RGS7: variants seen among roughly 807,000 people sequenced by gnomAD.
The protein encoded by RGS7 is regulator of G protein signaling 7.
In RGS7, 27 loss-of-function variants were observed where a neutral mutation model predicts 81.1. The observed-to-expected ratio is 0.33, with a 90% confidence interval of 0.25 to 0.46. RGS7 has a LOEUF of 0.46. RGS7 is among the 20% of genes least tolerant of loss of function. The pLI is 1.00. For synonymous variants in RGS7, 208 were observed against 207.7 expected, an observed-to-expected ratio of 1.00 and a Z score of -0.01; for missense variants, 396 against 607.4, an observed-to-expected ratio of 0.65 and a Z score of 3.66.
At chr1:241,245,729 T>C (rs2686221) in intron 2 of RGS7, among the ~76,000 whole-genome samples, 103,471 of 151,274 alleles carry the variant, frequency 0.68, 35,427 homozygotes, top group African/African-American at 0.73. Context: ...ATTACTTGAA[T>C]CTGGGAGGCA....
chr1:241,109,963 A>T (rs181480109), intron 2 of RGS7, among the ~76,000 whole-genome samples: 46 of 152,182 alleles, frequency 3.0e-4, no homozygotes, highest in African/African-American at 1.1e-3. Context: ...CATCTCAAAA[A>T]AATAATAATA....
intron 3 of RGS7, among the ~76,000 whole-genome samples, chr1:241,047,271 T>A (rs562026001): frequency 6.6e-6 from 1 of 152,284 alleles, no homozygotes; most frequent in Admixed American, 6.5e-5. Context: ...CCCATGGTGA[T>A]TTTAGCTTCA....
chr1:241,095,214 C>T (rs887576008), intron 3 of RGS7, among the ~76,000 whole-genome samples: 1 of 152,068 alleles, frequency 6.6e-6, no homozygotes, highest in Non-Finnish European at 1.5e-5. Context: ...CATTTTAAGG[C>T]AATATGTCTT....
intron 2 of RGS7, among the ~76,000 whole-genome samples, chr1:241,153,075 C>T (rs950630026): frequency 1.3e-5 from 2 of 152,328 alleles, no homozygotes; most frequent in Middle Eastern, 3.4e-3. Flanking sequence ...ACAAATAATA[C>T]ATTTCCCATA....
intron 3 of RGS7, among the ~76,000 whole-genome samples, chr1:241,092,872 CAATT>C (rs2063983444): frequency 7.0e-6 from 1 of 143,614 alleles, no homozygotes; most frequent in Non-Finnish European, 1.5e-5. Flanking sequence ...AAAAAAAAAA[CAATT>C]AGAAGACAAA....
At chr1:240,847,782 G>A (rs145473553) in intron 9 of RGS7, among the ~76,000 whole-genome samples, 42 of 152,138 alleles carry the variant, frequency 2.8e-4, no homozygotes, top group African/African-American at 8.7e-4. Flanking sequence ...CCTAGTACAC[G>A]CCAATTTCAC....
At chr1:241,100,268 G>A (rs934184953) in intron 2 of RGS7, among the ~76,000 whole-genome samples, 2 of 151,706 alleles carry the variant, frequency 1.3e-5, no homozygotes, top group Non-Finnish European at 2.9e-5. Flanking sequence ...CCAGGTACTC[G>A]GGAGGCTGAG....
intron 9 of RGS7, among the ~76,000 whole-genome samples, chr1:240,834,440 A>G (rs766631181): frequency 2.6e-5 from 4 of 152,188 alleles, no homozygotes; most frequent in Non-Finnish European, 5.9e-5. Context: ...GGGCAGGTTG[A>G]GTAGAAGTCA....
chr1:241,303,883 G>A (rs2079923618), intron 2 of RGS7, among the ~76,000 whole-genome samples: 2 of 152,228 alleles, frequency 1.3e-5, no homozygotes, highest in South Asian at 4.2e-4. Flanking sequence ...ATTTATTTTG[G>A]GGGGCAAGAC....
At chr1:241,091,256 A>G (rs1415015472) in intron 3 of RGS7, among the ~76,000 whole-genome samples, 1 of 152,216 alleles carries the variant, frequency 6.6e-6, no homozygotes, top group African/African-American at 2.4e-5. Context: ...TGTCATCAAA[A>G]TAATAAAGCT....
intron 3 of RGS7, among the ~76,000 whole-genome samples, chr1:240,988,995 G>A (rs986554573): frequency 1.8e-4 from 28 of 152,274 alleles, no homozygotes; most frequent in African/African-American, 5.8e-4. Context: ...AGACCACTCT[G>A]TAATCAGATC....
chr1:240,908,174 A>C (rs1671142537), intron 6 of RGS7, among the ~76,000 whole-genome samples: 1 of 131,974 alleles, frequency 7.6e-6, no homozygotes, highest in Non-Finnish European at 1.6e-5. Flanking sequence ...CAGGGCGAGG[A>C]ACATCACACA....
At chr1:240,962,542 AG>A (rs1308863137) in intron 4 of RGS7, among the ~76,000 whole-genome samples, 1 of 152,204 alleles carries the variant, frequency 6.6e-6, no homozygotes, top group Non-Finnish European at 1.5e-5. Flanking sequence ...CTCTGTCTAT[AG>A]GAAGTCAGTA....
At chr1:240,874,704 C>T (rs546954302) in intron 6 of RGS7, among the ~76,000 whole-genome samples, 33 of 152,172 alleles carry the variant, frequency 2.2e-4, no homozygotes, top group African/African-American at 7.2e-4. Flanking sequence ...TTAACATTTC[C>T]GTCACTTCAC....
chr1:241,091,597 A>ATAAAT (rs1232411251), intron 3 of RGS7, among the ~76,000 whole-genome samples: 1 of 143,330 alleles, frequency 7.0e-6, no homozygotes. Context: ...AAATAAATAA[A>ATAAAT]AAAGCTGGCC....
chr1:240,986,175 T>A (rs1423300004), intron 3 of RGS7, among the ~76,000 whole-genome samples: 2 of 152,162 alleles, frequency 1.3e-5, no homozygotes, highest in Non-Finnish European at 2.9e-5. Context: ...AGCTTTGTGC[T>A]CCGTCTGCTC....
At chr1:241,024,575 T>C (rs1022098581) in intron 3 of RGS7, among the ~76,000 whole-genome samples, 1 of 152,178 alleles carries the variant, frequency 6.6e-6, no homozygotes, top group Non-Finnish European at 1.5e-5. Context: ...GAAATGTGAA[T>C]TGACTCTTTT....
intron 2 of RGS7, among the ~76,000 whole-genome samples, chr1:241,283,552 G>T (rs2078637128): frequency 6.6e-6 from 1 of 151,282 alleles, no homozygotes; most frequent in Non-Finnish European, 1.5e-5. Context: ...AAATTTTTAA[G>T]ATTTTTTCTT....
chr1:240,786,648 C>T (rs1013958439), intron 18 of RGS7, among the ~76,000 whole-genome samples: 16 of 152,150 alleles, frequency 1.1e-4, no homozygotes, highest in African/African-American at 3.9e-4. Flanking sequence ...ATGTGTCGAT[C>T]AAATGTGGCT....
Sources: allele counts gnomAD v4.1 joint callset (sites outside exome capture counted in the v4.1 genomes callset), GRCh38; gene constraint gnomAD v4.1.1; transcripts MANE v1.5; gene names NCBI Gene and HGNC (gene_info 2026-07-23, HGNC 2026-07-21).